Variants in ASIC2 observed in about 807,000 individuals in gnomAD.
ASIC2 encodes the protein acid-sensing ion channel 2.
A neutral mutation model predicts 57.3 loss-of-function variants in ASIC2; 25 were observed. The observed-to-expected ratio is 0.44, with a 90% CI of 0.32 to 0.61. ASIC2 has a LOEUF of 0.61. ASIC2 is among the 20% of genes least tolerant of loss of function. The pLI is 0.06. For missense variants in ASIC2, 641 were observed against 738.1 expected, an observed-to-expected ratio of 0.87 and a Z score of 1.52; for synonymous variants, 319 against 307.5, an observed-to-expected ratio of 1.04 and a Z score of -0.39.
chr17:33,843,612 C>T (rs1002045019), intron 1 of ASIC2, among the ~76,000 whole-genome samples: 8 of 152,186 alleles, frequency 5.3e-5, no homozygotes, highest in Non-Finnish European at 1.0e-4. Flanking sequence ...ACTGGGAAAA[C>T]CCTGATTCAT....
At chr17:34,065,117 G>T (rs1909123064) in intron 1 of ASIC2, among the ~76,000 whole-genome samples, 1 of 152,140 alleles carries the variant, frequency 6.6e-6, no homozygotes. Flanking sequence ...CAAAATCATA[G>T]AACCAACCCA....
chr17:33,586,345 A>G (rs1007694556), intron 1 of ASIC2, among the ~76,000 whole-genome samples: 13 of 152,136 alleles, frequency 8.5e-5, no homozygotes, highest in African/African-American at 3.1e-4. Flanking sequence ...GAATTGAGAT[A>G]CGTCTTATAA....
intron 1 of ASIC2, among the ~76,000 whole-genome samples, chr17:33,486,404 A>T (rs1913576710): frequency 6.6e-6 from 1 of 152,220 alleles, no homozygotes; most frequent in Non-Finnish European, 1.5e-5. Context: ...CAGCTTACTC[A>T]CTGCATCAAA....
chr17:33,314,841 A>G (rs1386165704), intron 1 of ASIC2, among the ~76,000 whole-genome samples: 1 of 152,180 alleles, frequency 6.6e-6, no homozygotes, highest in Admixed American at 6.5e-5. Flanking sequence ...AGTCTTGTCA[A>G]TATAGCTTGG....
chr17:33,925,311 A>T (rs754528777), intron 1 of ASIC2, among the ~76,000 whole-genome samples: 1 of 152,234 alleles, frequency 6.6e-6, no homozygotes, highest in Non-Finnish European at 1.5e-5. Context: ...AAGGCACCCC[A>T]TGCATGACAC....
At chr17:34,049,151 G>A (rs1908448624) in intron 1 of ASIC2, among the ~76,000 whole-genome samples, 1 of 152,016 alleles carries the variant, frequency 6.6e-6, no homozygotes, top group African/African-American at 2.4e-5. Flanking sequence ...AATTAGCCAA[G>A]TGTGGCGGTG....
At chr17:33,822,431 A>G (rs1317515853) in intron 1 of ASIC2, among the ~76,000 whole-genome samples, 1 of 152,162 alleles carries the variant, frequency 6.6e-6, no homozygotes, top group Non-Finnish European at 1.5e-5. Context: ...AGCTCCTGAG[A>G]AATTAGAAAC....
At chr17:33,381,820 A>C (rs879600736) in intron 1 of ASIC2, among the ~76,000 whole-genome samples, 3 of 152,210 alleles carry the variant, frequency 2.0e-5, no homozygotes, top group Non-Finnish European at 2.9e-5. Context: ...GCCTATACCA[A>C]GTTCCATAAA....
chr17:33,414,994 A>G (rs1242482075), intron 1 of ASIC2, among the ~76,000 whole-genome samples: 2 of 152,162 alleles, frequency 1.3e-5, no homozygotes, highest in African/African-American at 2.4e-5. Flanking sequence ...TGACCATCTG[A>G]CTGTGGTATT....
chr17:33,894,049 G>T (rs1268310360), intron 1 of ASIC2, among the ~76,000 whole-genome samples: 1 of 150,798 alleles, frequency 6.6e-6, no homozygotes, highest in African/African-American at 2.4e-5. Flanking sequence ...AAGCTGATTG[G>T]CTCTATATTT....
chr17:33,433,569 A>G (rs954194372), intron 1 of ASIC2, among the ~76,000 whole-genome samples: 4 of 152,192 alleles, frequency 2.6e-5, no homozygotes, highest in Non-Finnish European at 5.9e-5. Context: ...CAGCCTGGCC[A>G]ACATGGTGAA....
intron 1 of ASIC2, among the ~76,000 whole-genome samples, chr17:33,595,591 C>T (rs1477878388): frequency 6.6e-6 from 1 of 152,216 alleles, no homozygotes; most frequent in Non-Finnish European, 1.5e-5. Context: ...TATTGTGTCA[C>T]AGAGATGAGC....
At chr17:33,119,459 CT>C (rs1238887314) in intron 1 of ASIC2, among the ~76,000 whole-genome samples, 2 of 152,222 alleles carry the variant, frequency 1.3e-5, no homozygotes, top group African/African-American at 4.8e-5. Context: ...GTGAGAAAGT[CT>C]GTCAAATGGG....
At chr17:33,184,484 A>T (rs939767356) in intron 1 of ASIC2, among the ~76,000 whole-genome samples, 4 of 152,166 alleles carry the variant, frequency 2.6e-5, no homozygotes, top group Admixed American at 2.0e-4. Flanking sequence ...ACATGTGGTC[A>T]GCTCCCAAAT....
intron 1 of ASIC2, among the ~76,000 whole-genome samples, chr17:34,083,425 T>C (rs1393604679): frequency 6.6e-6 from 1 of 151,792 alleles, no homozygotes. Context: ...TCTATCATTG[T>C]TGGACATTTG....
intron 1 of ASIC2, among the ~76,000 whole-genome samples, chr17:33,519,544 G>A (rs1914679583): frequency 6.6e-6 from 1 of 152,136 alleles, no homozygotes; most frequent in East Asian, 1.9e-4. Flanking sequence ...CATGGGATCA[G>A]ACTCTCTGGG....
At chr17:33,913,181 G>T (rs1597927432) in intron 1 of ASIC2, among the ~76,000 whole-genome samples, 1 of 151,946 alleles carries the variant, frequency 6.6e-6, no homozygotes, top group Non-Finnish European at 1.5e-5. Flanking sequence ...TACCTTAAGG[G>T]TTTAGAGGAA....
chr17:33,744,705 A>C (rs2142100056), intron 1 of ASIC2, among the ~76,000 whole-genome samples: 1 of 152,370 alleles, frequency 6.6e-6, no homozygotes, highest in Non-Finnish European at 1.5e-5. Flanking sequence ...AGCAGGCAAC[A>C]AAACTGCCTG....
chr17:33,085,174 C>T (rs931332637), intron 3 of ASIC2, among the ~76,000 whole-genome samples: 1 of 152,140 alleles, frequency 6.6e-6, no homozygotes, highest in African/African-American at 2.4e-5. Flanking sequence ...TACGACTTGT[C>T]CCCATGGCCT....
Sources: gnomAD v4.1 joint callset for allele counts (sites outside exome capture counted in the v4.1 genomes callset) on GRCh38, gnomAD v4.1.1 for gene constraint, MANE v1.5 for transcripts, NCBI Gene and HGNC (gene_info 2026-07-23, HGNC 2026-07-21) for gene names.